The following DAGLA variants were observed in gnomAD, a reference collection of about 807,000 sequenced individuals.
The protein encoded by DAGLA is diacylglycerol lipase-alpha.
DAGLA carries 22 observed loss-of-function variants against 102.6 expected under a neutral mutation model. The ratio of observed to expected loss-of-function variants is 0.21; its 90% confidence interval spans 0.15 to 0.31. The LOEUF (loss-of-function observed/expected upper bound fraction) is 0.31. Ranked by LOEUF, DAGLA falls within the 10% of genes least tolerant of loss-of-function variation. DAGLA has a pLI of 1.00. For missense variants in DAGLA, 927 were observed against 1,446.6 expected (o/e 0.64, Z 5.83); for synonymous variants, 578 against 628.9 (o/e 0.92, Z 1.21).
Position 61,735,745 on chromosome 11 carries a change from C to A in DAGLA, c.1219C>A (p.Leu407Met). 6.2e-7 allele frequency: 1 copy of A among 1,613,526 alleles called. No individual in the cohort carries two copies. The highest frequency in any genetic ancestry group is 8.5e-7 in the Non-Finnish European group (1 of 1,179,772). Residue 407 changes from leucine to methionine, a missense_variant, in exon 12 of 20, where the codon CTG becomes ATG. Physicochemically the swap from Leu to Met is conservative, Grantham distance 15 (BLOSUM62 2). This residue lies in a region of DAGLA where 218 missense variants were observed against 459.6 expected (regional missense o/e 0.47). Transcript: ENST00000257215. ...IRGTLSPKDA[L>M]TDLTGDAERL... Reference sequence around the variant, plus strand: ...TGTCTCCTCTCTCCCCAAGGATGCCCTGACTGACCTGACGGGTGATGCTGA... The same window carrying A: ...TGTCTCCTCTCTCCCCAAGGATGCCATGACTGACCTGACGGGTGATGCTGA...
chr11:61,730,861 C>T (rs147194812), intron 8 of DAGLA, among the ~76,000 whole-genome samples: 4 of 152,338 alleles, frequency 2.6e-5, no homozygotes, highest in African/African-American at 9.6e-5. Context: ...CCTAGCGTGG[C>T]TGCCCTGTTG....
At chr11:61,695,265 C>A (rs533443843) in intron 1 of DAGLA, among the ~76,000 whole-genome samples, 4 of 150,774 alleles carry the variant, frequency 2.7e-5, no homozygotes, top group Admixed American at 2.0e-4. Flanking sequence ...TCTGTTCAAC[C>A]ATCAGGCACC....
intron 1 of DAGLA, among the ~76,000 whole-genome samples, chr11:61,714,142 A>G (rs966798842): frequency 6.6e-6 from 1 of 152,170 alleles, no homozygotes; most frequent in African/African-American, 2.4e-5. Context: ...TATGTCTCAC[A>G]TGTGTGCAAT....
intron 1 of DAGLA, among the ~76,000 whole-genome samples, chr11:61,698,806 A>G (rs559630718): frequency 3.3e-5 from 5 of 152,148 alleles, no homozygotes; most frequent in Admixed American, 6.5e-5. Flanking sequence ...CCCAGTGGGG[A>G]GCCCGGAATG....
At chr11:61,696,662 AC>A (rs1055000162) in intron 1 of DAGLA, among the ~76,000 whole-genome samples, 3 of 151,686 alleles carry the variant, frequency 2.0e-5, no homozygotes, top group Non-Finnish European at 4.4e-5. Flanking sequence ...GGATCCAAAG[AC>A]CCCTTGGAGA....
intron 1 of DAGLA, among the ~76,000 whole-genome samples, chr11:61,716,029 C>T (rs984771573): frequency 2.6e-5 from 4 of 152,168 alleles, no homozygotes; most frequent in Non-Finnish European, 5.9e-5. Flanking sequence ...GGGACGTTTC[C>T]CCAGAAGGGA....
chr11:61,728,939 T>C lies in DAGLA; in HGVS notation c.780T>C (p.Asn260=), dbSNP rs372368804. 29 of 1,614,104 alleles carry C rather than the reference T, an allele frequency of 1.8e-5. No homozygotes were observed. The African/African-American group carries it at 3.2e-4, about 18-fold the overall frequency. Residue 260 remains asparagine (N), a synonymous_variant, in exon 8 of 20, where the codon AAT becomes AAC. Transcript: ENST00000257215. The part of the protein sequence containing the change: ...KRNAVLDEAN[N]DILAFLSGMP... ...ACCTGCCGGTCTTACAGGCAAACAA[T>C]GACATCTTGGCCTTCCTGTCTGGGA... is the stretch of plus-strand genomic sequence containing the variant.
chr11:61,735,392 C>T (rs568938650), intron 10 of DAGLA, among the ~76,000 whole-genome samples, 169 bp from the exon 11 acceptor site: 4 of 152,258 alleles, frequency 2.6e-5, no homozygotes, highest in South Asian at 2.1e-4. Flanking sequence ...TGGCTGGGAT[C>T]GGGAGGAGAT....
rs2065269263 is a variant in DAGLA at position 61,720,099 on chromosome 11, TG to T, written c.-44-12del. 1.3e-6 allele frequency: 2 copies of T among 1,582,698 alleles called. No homozygotes were observed. The highest frequency in any genetic ancestry group is 1.7e-6 in the Non-Finnish European group (2 of 1,160,218). On this transcript the variant is annotated splice_polypyrimidine_tract_variant and intron_variant, in intron 1 of 19. Coordinates refer to ENST00000257215, the MANE Select transcript of DAGLA (RefSeq NM_006133.3). The stretch of plus-strand genomic sequence containing the variant: ...CTCCTCAGGCAGCTATAAGGTCCTC[TG>T]CTTTCTTTCAGGAGGTGAGCACCAG...
intron 1 of DAGLA, among the ~76,000 whole-genome samples, chr11:61,710,711 A>C (rs1223307871): frequency 6.6e-6 from 1 of 152,108 alleles, no homozygotes; most frequent in Non-Finnish European, 1.5e-5. Flanking sequence ...TCTGTTTGGG[A>C]AGATTGACTT....
intron 18 of DAGLA, 106 bp from the exon 19 acceptor site, chr11:61,741,056 T>G: frequency 1.8e-6 from 2 of 1,137,626 alleles, no homozygotes; most frequent in South Asian, 1.5e-5. Context: ...AGTGACTCCA[T>G]GAGGCTTTGC....
At chr11:61,695,821 A>C (rs1467764771) in intron 1 of DAGLA, among the ~76,000 whole-genome samples, 5 of 152,096 alleles carry the variant, frequency 3.3e-5, no homozygotes, top group Non-Finnish European at 7.4e-5. Flanking sequence ...CTTGCCTGGA[A>C]GGAGGGCAGG....
At chr11:61,700,304 CAGCCTGTCTGCAGGCCCTCCTGCAAGGAG>C (rs577797819) in intron 1 of DAGLA, among the ~76,000 whole-genome samples, 1 of 152,112 alleles carries the variant, frequency 6.6e-6, no homozygotes, top group Non-Finnish European at 1.5e-5. Context: ...TTTTCTGCAG[CAGCCTGTCTGCAGGCCCTCCTGCAAGGAG>C]AGCCTGTCTT....
intron 5 of DAGLA, among the ~76,000 whole-genome samples, chr11:61,725,581 C>T (rs1168229526): frequency 1.3e-5 from 2 of 152,188 alleles, no homozygotes; most frequent in Admixed American, 1.3e-4. Flanking sequence ...CAGGGAGGCC[C>T]AACACCCTGC....
intron 16 of DAGLA, 90 bp downstream of exon 16, chr11:61,738,297 G>A (rs933815115): frequency 4.4e-6 from 5 of 1,135,716 alleles, no homozygotes; most frequent in African/African-American, 3.1e-5. Context: ...AAGCACAAGA[G>A]GCCCTGCCAT....
At chr11:61,702,725 C>G (rs924783926) in intron 1 of DAGLA, among the ~76,000 whole-genome samples, 2 of 152,236 alleles carry the variant, frequency 1.3e-5, no homozygotes, top group African/African-American at 2.4e-5. Context: ...GGTGCGCCCT[C>G]CCTCCCACAG....
At chr11:61,713,791 C>T (rs986088722) in intron 1 of DAGLA, among the ~76,000 whole-genome samples, 5 of 152,188 alleles carry the variant, frequency 3.3e-5, no homozygotes, top group Admixed American at 6.5e-5. Context: ...CCTCACTGTG[C>T]TGAGTCCCGC....
intron 1 of DAGLA, among the ~76,000 whole-genome samples, chr11:61,695,615 T>C (rs1299360483): frequency 6.6e-6 from 1 of 152,208 alleles, no homozygotes; most frequent in African/African-American, 2.4e-5. Context: ...CAGGCGCTTC[T>C]CCAGGGACAG....
At chr11:61,731,555 C>A in intron 9 of DAGLA, 114 bp downstream of exon 9, 1 of 1,385,422 alleles carries the variant, frequency 7.2e-7, no homozygotes, top group South Asian at 1.3e-5. Flanking sequence ...CTTTTCTACA[C>A]CTTCTCTGGG....
Sources: allele counts gnomAD v4.1 joint callset (sites outside exome capture counted in the v4.1 genomes callset), GRCh38; gene constraint gnomAD v4.1.1; regional missense constraint gnomAD v4.1.1; transcripts MANE v1.5; gene names NCBI Gene and HGNC (gene_info 2026-07-23, HGNC 2026-07-21).